Variants in ADAMTS10 observed in about 807,000 individuals in gnomAD.
The protein encoded by ADAMTS10 is A disintegrin and metalloproteinase with thrombospondin motifs 10.
ADAMTS10 carries 48 observed loss-of-function variants against 135.9 expected under a neutral mutation model. The observed-to-expected ratio is 0.35, with a 90% confidence interval of 0.28 to 0.45. The LOEUF is 0.45. ADAMTS10 is among the 20% of genes least tolerant of loss of function. The pLI is 1.00. For missense variants in ADAMTS10, 1,131 were observed against 1,565.2 expected (o/e 0.72, Z 4.68); for synonymous variants, 621 against 647.5 (o/e 0.96, Z 0.62).
intron 25 of ADAMTS10, among the ~76,000 whole-genome samples, chr19:8,583,852 G>C (rs567646462): frequency 6.8e-6 from 1 of 146,986 alleles, no homozygotes; most frequent in Non-Finnish European, 1.5e-5. Flanking sequence ...GTGAGTCCCG[G>C]TCTCAAAAAT....
chr19:8,593,155 G>C lies in ADAMTS10; in HGVS notation c.1480-285C>G. On this transcript the variant is annotated intron_variant, in intron 12 of 25. Transcript: ENST00000597188. Reference sequence around the variant, plus strand: ...CTGGGAGAAAACCAAGCTTCAGACAGGTAAGGTCACACAGCTACTAAGGGA... The same window carrying C: ...CTGGGAGAAAACCAAGCTTCAGACACGTAAGGTCACACAGCTACTAAGGGA... 1.2e-5 allele frequency: 6 copies of C among 515,700 alleles called. No homozygotes were observed. The South Asian group carries it at 1.3e-4, about 11-fold the overall frequency. 31.9% of individuals were successfully genotyped at this position (515,700 alleles called of 1,614,324 possible). A position where few individuals can be genotyped will look rare whatever the true frequency, so the allele number is the denominator to read the frequency against.
intron 6 of ADAMTS10, among the ~76,000 whole-genome samples, chr19:8,600,181 CT>C (rs1371793548): frequency 5.3e-5 from 8 of 152,204 alleles, no homozygotes; most frequent in African/African-American, 2.4e-5. Context: ...GTTCTACATG[CT>C]TTATGAATGC....
At position 8,610,656 on chromosome 19, in the gene ADAMTS10, C is replaced by T. The variant is rs1376749512; in HGVS notation, c.-227G>A. On this transcript the variant is annotated 5_prime_UTR_variant, in exon 1 of 26. Coordinates refer to ENST00000597188, the MANE Select transcript of ADAMTS10 (RefSeq NM_030957.4). The stretch of plus-strand genomic sequence containing the variant: ...CCCGCGCCGCTACCTGCGCCGCGCC[C>T]GGGGCCTCCGCGCCGTCGCCGCCGC... The T allele has an allele frequency of 6.7e-6, 1 of 150,204 alleles. No individual in the cohort carries two copies. The highest frequency in any genetic ancestry group is 1.5e-5 in the Non-Finnish European group (1 of 67,412). The allele number at this position is 150,204 out of a possible 1,614,324, so 9.3% of individuals were successfully genotyped here.
At chr19:8,585,364 A>G in intron 23 of ADAMTS10, 56 bp from the exon 24 acceptor site, 1 of 1,534,514 alleles carries the variant, frequency 6.5e-7, no homozygotes, top group African/African-American at 1.4e-5. Context: ...CGAAGTGAGG[A>G]GGGGACAGCT....
chr19:8,606,760 T>C (rs2042726275), intron 2 of ADAMTS10, among the ~76,000 whole-genome samples: 1 of 152,132 alleles, frequency 6.6e-6, no homozygotes, highest in South Asian at 2.1e-4. Context: ...GGTTATAGCC[T>C]CCGGTGGAGG....
chr19:8,586,821 T>C lies in ADAMTS10; in HGVS notation c.2234A>G (p.His745Arg). 1 of 1,614,096 alleles carries C rather than the reference T, an allele frequency of 6.2e-7. No homozygotes were observed. Among genetic ancestry groups the C allele is most frequent in the South Asian group, 1.1e-5 (1 of 91,080 alleles). The change falls in exon 19 of 26, where the codon CAC becomes CGC. Residue 745 changes from histidine to arginine, a missense_variant. Physicochemically the swap from His to Arg is conservative, Grantham distance 29. Coordinates refer to ENST00000597188, the MANE Select transcript of ADAMTS10 (RefSeq NM_030957.4). ...FIQDLNLSLS[H>R]LALKGDQESL... Reference sequence around the variant, plus strand: ...CCTCCCCACCATCTGCTCACCCAAGTGACTGAGAGAGAGGTTCAGATCCTG... The same window carrying C: ...CCTCCCCACCATCTGCTCACCCAAGCGACTGAGAGAGAGGTTCAGATCCTG...
rs782471212 is a variant in ADAMTS10, at chr19:8,585,164, G to T, written c.3010C>A (p.Pro1004Thr). 2.1e-6 allele frequency: 3 copies of T among 1,410,432 alleles called. No homozygotes were observed. The South Asian group carries it at 4.6e-5, about 22-fold the overall frequency. The allele number at this position is 1,410,432 out of a possible 1,614,324, so 87.4% of individuals were successfully genotyped here. A position where few individuals can be genotyped will look rare whatever the true frequency, so the allele number is the denominator to read the frequency against. Residue 1004 changes from proline (P) to threonine (T), a missense_variant, in exon 24 of 26, where the codon CCG becomes ACG. By Grantham distance (38) the Pro-to-Thr change is conservative (BLOSUM62 -1). This residue lies in a region of ADAMTS10 where 745 missense variants were observed against 1,056.3 expected (regional missense o/e 0.71). Transcript: ENST00000597188. Reference protein sequence around the residue: ...TMRCNLRRCPPARWVAGEWGE... With the variant: ...TMRCNLRRCPTARWVAGEWGE... ...CACTCGCCAGCCACCCAGCGGGCCG[G>T]GGGGCAGCGGCGCAAGTTGCAGCGC...
In ADAMTS10 at chr19:8,601,821, G is replaced by A. The variant is rs1328207583; in HGVS notation, c.593-676C>T. Reference sequence around the variant, plus strand: ...TGACTTCTCCCACTGTTGGTTGTATGGCTGTTCCACTGCCTGTTTGCCAAC... The same window carrying A: ...TGACTTCTCCCACTGTTGGTTGTATAGCTGTTCCACTGCCTGTTTGCCAAC... On this transcript the variant is annotated intron_variant, in intron 5 of 25. Coordinates refer to ENST00000597188, the MANE Select transcript of ADAMTS10 (RefSeq NM_030957.4). This position sits in a 1 kb window ranked among gnomAD's most constrained non-coding sequence, Gnocchi z 4.6. 1.3e-5 allele frequency among the ~76,000 whole-genome samples: 2 copies of A among 152,088 alleles called. No individual in the cohort carries two copies. Among genetic ancestry groups the A allele is most frequent in the Non-Finnish European group, 2.9e-5 (2 of 68,024 alleles).
intron 5 of ADAMTS10, among the ~76,000 whole-genome samples, chr19:8,602,154 C>A (rs1258694208): frequency 6.6e-6 from 1 of 152,180 alleles, no homozygotes; most frequent in Non-Finnish European, 1.5e-5. Flanking sequence ...GTACTACAAC[C>A]AGATGGTCTC....
rs782778031 is a variant in ADAMTS10, at chr19:8,586,735, C to T, written c.2240-14G>A. ...CTCCCTTCAGGGCTGGGGGACGATG[C>T]AGGGTTCAGAATTCTAGTCATGCTG... On this transcript the variant is annotated splice_polypyrimidine_tract_variant and intron_variant, in intron 19 of 25. Coordinates refer to ENST00000597188, the MANE Select transcript of ADAMTS10 (RefSeq NM_030957.4). 1 of 1,614,112 alleles carries T rather than the reference C, an allele frequency of 6.2e-7. No individual in the cohort carries two copies. Among genetic ancestry groups the T allele is most frequent in the South Asian group, 1.1e-5 (1 of 91,082 alleles).
At chr19:8,600,599 C>T (rs531048060) in intron 6 of ADAMTS10, among the ~76,000 whole-genome samples, 105 of 151,064 alleles carry the variant, frequency 7.0e-4, no homozygotes, top group African/African-American at 2.3e-3. Flanking sequence ...CCCAGGTTCA[C>T]GCCATTCTCC....
chr19:8,600,713 T>A (rs542734271), intron 6 of ADAMTS10, among the ~76,000 whole-genome samples: 2 of 151,964 alleles, frequency 1.3e-5, no homozygotes, highest in Admixed American at 6.6e-5. Flanking sequence ...TTAGCCAGGA[T>A]GGTCTCCATC....
rs1376694418 is a variant in ADAMTS10, at chr19:8,605,855, AG to A, written c.-99-47del. 19 of 1,450,922 alleles carry A rather than the reference AG, an allele frequency of 1.3e-5. No homozygotes were observed. The highest frequency in any genetic ancestry group is 1.7e-5 in the Non-Finnish European group (19 of 1,103,642). 89.9% of individuals were successfully genotyped at this position (1,450,922 alleles called of 1,614,324 possible). On this transcript the variant is annotated intron_variant, in intron 2 of 25. Transcript: ENST00000597188. The surrounding 1 kb of genome is among the most constrained non-coding windows in gnomAD (Gnocchi z 7.7). ...AAGGGGGCGCCTGGTCCCGCTGTCC[AG>A]CACAACCAATGCCAAGGCCAATCAT...
chr19:8,607,462 G>A (rs377212172), intron 2 of ADAMTS10, among the ~76,000 whole-genome samples: 1 of 152,108 alleles, frequency 6.6e-6, no homozygotes, highest in Non-Finnish European at 1.5e-5. Context: ...CCAGCCTGCC[G>A]CAGACACCAC....
At position 8,589,599 on chromosome 19, in the gene ADAMTS10, C is replaced by T. The variant is rs1256166371; in HGVS notation, c.1901-14G>A. 2 of 1,613,170 alleles carry T rather than the reference C, an allele frequency of 1.2e-6. No homozygotes were observed. The highest frequency in any genetic ancestry group is 1.1e-5 in the South Asian group (1 of 91,072). On this transcript the variant is annotated splice_polypyrimidine_tract_variant and intron_variant, in intron 16 of 25. Coordinates refer to ENST00000597188, the MANE Select transcript of ADAMTS10 (RefSeq NM_030957.4). ...CCTTCACGCCCCCTGGGGGGCACGG[C>T]CCCGTCACACCACGGGCCAGGCCAC...
chr19:8,595,702 T>G lies in ADAMTS10; in HGVS notation c.1479+60A>C. ...AGGTGGGTGCCCTGGTGGAGTTCCC[T>G]CCCCCAGCCCCAGCGGCCCCCTCCC... On this transcript the variant is annotated intron_variant, in intron 12 of 25. Transcript: ENST00000597188. 8.6e-3 allele frequency: 7,663 copies of G among 890,820 alleles called. 3 individuals are homozygous for G. Among genetic ancestry groups the G allele is most frequent in the Non-Finnish European group, 0.012 (7,002 of 593,694 alleles). 55.2% of individuals were successfully genotyped at this position (890,820 alleles called of 1,614,324 possible). A position where few individuals can be genotyped will look rare whatever the true frequency, so the allele number is the denominator to read the frequency against.
chr19:8,604,977 G>A (rs756342094), intron 4 of ADAMTS10, 35 bp downstream of exon 4: 15 of 1,553,514 alleles, frequency 9.7e-6, no homozygotes, highest in Non-Finnish European at 1.3e-5. Flanking sequence ...AAACTTATGG[G>A]CATTTCCCCC....
intron 1 of ADAMTS10, among the ~76,000 whole-genome samples, chr19:8,610,032 C>T (rs782585173): frequency 1.7e-4 from 26 of 151,818 alleles, no homozygotes; most frequent in Non-Finnish European, 3.4e-4. Flanking sequence ...AATACACGCA[C>T]CCGGGGCCTA....
intron 5 of ADAMTS10, 73 bp downstream of exon 5, chr19:8,603,655 A>G (rs2042689557): frequency 1.3e-6 from 2 of 1,599,246 alleles, no homozygotes; most frequent in African/African-American, 2.7e-5. Context: ...GACTTTCTGG[A>G]TAAAAAGACA....
Sources: allele counts gnomAD v4.1 joint callset (sites outside exome capture counted in the v4.1 genomes callset), GRCh38; gene constraint gnomAD v4.1.1; regional missense constraint gnomAD v4.1.1; non-coding constraint Gnocchi (gnomAD v3.1); transcripts MANE v1.5; gene names NCBI Gene and HGNC (gene_info 2026-07-23, HGNC 2026-07-21).